ADSS1: variants seen among roughly 807,000 people sequenced by gnomAD.
ADSS1 encodes adenylosuccinate synthetase isozyme 1.
ADSS1 carries 57 observed loss-of-function variants against 59.1 expected under a neutral mutation model. That is an observed-to-expected ratio of 0.97 (90% CI 0.78 to 1.20). The LOEUF (loss-of-function observed/expected upper bound fraction) is 1.20, where lower values mean the gene tolerates loss of function less well. Among genes scored for constraint, ADSS1 ranks in the 50% most tolerant of loss-of-function variants. ADSS1 has a pLI of 0.00. For synonymous variants in ADSS1, 247 were observed against 249.4 expected (o/e 0.99, Z 0.09); for missense variants, 603 against 610.3 (o/e 0.99, Z 0.13).
chr14:104,740,656 A>C lies in ADSS1; in HGVS notation c.532A>C (p.Thr178Pro), dbSNP rs1416357481. ...GPTYSSKAAR[T>P]GLRICDLLSD... is the part of the protein sequence containing the mutation. ...AACCTACTCTTCCAAAGCTGCCCGG[A>C]CAGGCCTCCGCATCTGCGACCTCCT... The change falls in exon 6 of 13, where the codon ACA (threonine) becomes CCA (proline). Residue 178 changes from threonine (T) to proline (P), a missense_variant. Thr to Pro is a conservative substitution (Grantham distance 38). Coordinates refer to ENST00000330877, the MANE Select transcript of ADSS1 (RefSeq NM_152328.5). This position sits in a 1 kb window ranked among gnomAD's most constrained non-coding sequence, Gnocchi z 4.8. 5.0e-6 allele frequency: 8 copies of C among 1,613,524 alleles called. No homozygotes were observed. The highest frequency in any genetic ancestry group is 6.8e-6 in the Non-Finnish European group (8 of 1,179,996).
At chr14:104,742,067 G>T in intron 9 of ADSS1, 65 bp downstream of exon 9, 1 of 1,586,148 alleles carries the variant, frequency 6.3e-7, no homozygotes, top group East Asian at 2.2e-5. Context: ...TGCCGGGGGT[G>T]GGGTGAGCAG....
chr14:104,738,398 G>A lies in ADSS1; in HGVS notation c.318G>A (p.Leu106=). ...CAGGCAACGGGGTGGTCATCCACTT[G>A]CCAGGCTTGTTTGAGGAAGCAGAGA... ...SFIGNGVVIH[L]PGLFEEAEKN... Residue 106 remains leucine (L), a synonymous_variant, in exon 3 of 13, where the codon TTG becomes TTA. Transcript: ENST00000330877. The A allele has an allele frequency of 6.2e-7, 1 of 1,613,982 alleles. No individual in the cohort carries two copies. The highest frequency in any genetic ancestry group is 8.5e-7 in the Non-Finnish European group (1 of 1,179,898).
chr14:104,730,284 A>G (rs1053636394), intron 1 of ADSS1: 2 of 1,400,654 alleles, frequency 1.4e-6, no homozygotes, highest in Non-Finnish European at 1.9e-6. Flanking sequence ...ACTTAGGGTC[A>G]GGAGTTCAAG....
intron 3 of ADSS1, among the ~76,000 whole-genome samples, chr14:104,738,761 G>A (rs957997724): frequency 4.6e-5 from 7 of 152,362 alleles, no homozygotes; most frequent in African/African-American, 1.4e-4. Context: ...AGGGAAGGAT[G>A]TGGCTCCTGG....
Position 104,743,196 on chromosome 14 carries a change from G to T in ADSS1, c.1073+5G>T. Reference sequence around the variant, plus strand: ...CATGGTCAACGGATTCACTGCGTAAGCAACCCATGCTGCCATCCCCACTGG... The same window carrying T: ...CATGGTCAACGGATTCACTGCGTAATCAACCCATGCTGCCATCCCCACTGG... On this transcript the variant is annotated splice_donor_5th_base_variant and intron_variant, in intron 10 of 12. Transcript: ENST00000330877. 1 of 1,609,524 alleles carries T rather than the reference G, an allele frequency of 6.2e-7. No homozygotes were observed.
chr14:104,730,315 C>G, intron 1 of ADSS1: 1 of 1,273,540 alleles, frequency 7.9e-7, no homozygotes, highest in East Asian at 2.7e-5. Flanking sequence ...CCAAGTGAAA[C>G]CCGGTTTCTA....
At chr14:104,739,928 C>A in intron 5 of ADSS1, 112 bp downstream of exon 5, 2 of 1,166,962 alleles carry the variant, frequency 1.7e-6, no homozygotes, top group South Asian at 1.3e-5. Context: ...TCAACCCACT[C>A]AAAGCCCCTG....
intron 2 of ADSS1, among the ~76,000 whole-genome samples, chr14:104,736,007 A>G (rs1298820185): frequency 6.6e-6 from 1 of 152,168 alleles, no homozygotes; most frequent in Non-Finnish European, 1.5e-5. Context: ...CAGGCGCCTC[A>G]GGTGTGTGCC....
chr14:104,739,927 T>G (rs1891277561), intron 5 of ADSS1, 111 bp downstream of exon 5: 1 of 1,165,028 alleles, frequency 8.6e-7, no homozygotes. Flanking sequence ...CTCAACCCAC[T>G]CAAAGCCCCT....
At chr14:104,737,615 C>T (rs1016994895) in intron 2 of ADSS1, 2 of 152,470 alleles carry the variant, frequency 1.3e-5, no homozygotes, top group African/African-American at 4.8e-5. Context: ...GCATCCATCA[C>T]CACCATCCAC....
At chr14:104,736,566 A>G (rs1191764226) in intron 2 of ADSS1, among the ~76,000 whole-genome samples, 4 of 152,122 alleles carry the variant, frequency 2.6e-5, no homozygotes, top group Non-Finnish European at 5.9e-5. Flanking sequence ...TCTGGACTGA[A>G]GTCCCGTCTC....
chr14:104,738,540 C>A, intron 3 of ADSS1, 102 bp downstream of exon 3: 1 of 1,343,706 alleles, frequency 7.4e-7, no homozygotes, highest in Non-Finnish European at 1.0e-6. Context: ...AGGGGACTGG[C>A]AGGGGTGGGT....
chr14:104,742,109 G>A (rs887167572), intron 9 of ADSS1, 107 bp downstream of exon 9: 2 of 1,458,528 alleles, frequency 1.4e-6, no homozygotes, highest in Admixed American at 1.9e-5. Context: ...GACCTTGCCA[G>A]TGCCATCTCC....
rs151019819 is a variant in ADSS1 at position 104,741,152 on chromosome 14, T to C, written c.702T>C (p.Asp234=). ...FAERIRPMVR[D]GVYFMYEALH... is the part of the protein sequence containing the mutation. ...AGCGGATCAGACCCATGGTCCGAGA[T>C]GGTGTTTACTTTATGTATGAGGCAC... The change falls in exon 8 of 13, where the codon GAT becomes GAC. Residue 234 remains aspartate (D), a synonymous_variant. Transcript: ENST00000330877. The C allele has an allele frequency of 4.3e-6, 7 of 1,611,040 alleles. No individual in the cohort carries two copies. The African/African-American group carries it at 9.4e-5, about 22-fold the overall frequency.
intron 1 of ADSS1, 97 bp from the exon 2 acceptor site, chr14:104,734,923 G>C (rs944942024): frequency 9.8e-7 from 1 of 1,016,012 alleles, no homozygotes; most frequent in Non-Finnish European, 1.5e-6. Flanking sequence ...CAACAGCAGT[G>C]CCCTGCAGGG....
chr14:104,730,489 CA>C (rs978542887), intron 1 of ADSS1, among the ~76,000 whole-genome samples: 13 of 150,794 alleles, frequency 8.6e-5, no homozygotes, highest in Admixed American at 2.0e-4. Context: ...GACCCTGTCT[CA>C]AAAAAAAATT....
At chr14:104,736,880 T>TTATATATATA (rs1329962546) in intron 2 of ADSS1, among the ~76,000 whole-genome samples, 4 of 54,890 alleles carry the variant, frequency 7.3e-5, no homozygotes, top group Non-Finnish European at 1.4e-4. Flanking sequence ...CGCACCTAGC[T>TTATATATATA]GATATATATA....
rs903458242 is a variant in ADSS1 at position 104,747,239 on chromosome 14, A to G, written c.*236A>G. ...GAGCCAAAGTGCTCAGAGACCTTCT[A>G]TGACACATTAGTGTCACATGGTTGC... On this transcript the variant is annotated 3_prime_UTR_variant, in exon 13 of 13. Transcript: ENST00000330877. 8 of 412,528 alleles carry G rather than the reference A, an allele frequency of 1.9e-5. No individual in the cohort carries two copies. The highest frequency in any genetic ancestry group is 3.1e-5 in the Non-Finnish European group (7 of 229,124). The allele number at this position is 412,528 out of a possible 1,614,324, so 25.6% of individuals were successfully genotyped here. A position where few individuals can be genotyped will look rare whatever the true frequency, so the allele number is the denominator to read the frequency against.
intron 11 of ADSS1, 36 bp downstream of exon 11, chr14:104,744,945 C>A: frequency 6.3e-7 from 1 of 1,593,628 alleles, no homozygotes; most frequent in Non-Finnish European, 8.6e-7. Flanking sequence ...GCCTGTTGGG[C>A]CGTTTCATGG....
Sources: allele counts gnomAD v4.1 joint callset (sites outside exome capture counted in the v4.1 genomes callset), GRCh38; gene constraint gnomAD v4.1.1; non-coding constraint Gnocchi (gnomAD v3.1); transcripts MANE v1.5; gene names NCBI Gene and HGNC (gene_info 2026-07-23, HGNC 2026-07-21).